Variants in SLC39A12 observed in about 807,000 individuals in gnomAD.
SLC39A12 encodes the protein zinc transporter ZIP12.
SLC39A12 carries 63 observed loss-of-function variants against 71.1 expected under a neutral mutation model. That is an observed-to-expected ratio of 0.89 (90% CI 0.72 to 1.09). The LOEUF (loss-of-function observed/expected upper bound fraction) is 1.09, where lower values mean the gene tolerates loss of function less well. Ranked by LOEUF, SLC39A12 falls within the 50% of genes least tolerant of loss-of-function variation. The pLI is 0.00. For missense variants in SLC39A12, 892 were observed against 812.6 expected (o/e 1.10, Z -1.19); for synonymous variants, 351 against 301.3 (o/e 1.16, Z -1.71).
At chr10:18,000,292 T>C (rs1418941122) in intron 10 of SLC39A12, among the ~76,000 whole-genome samples, 1 of 152,210 alleles carries the variant, frequency 6.6e-6, no homozygotes. Context: ...ATTTAGTCTA[T>C]AGCAAGTTTC....
chr10:17,984,896 G>A (rs1041840358), intron 6 of SLC39A12, among the ~76,000 whole-genome samples: 2 of 152,164 alleles, frequency 1.3e-5, no homozygotes, highest in East Asian at 1.9e-4. Context: ...TGTGGTAGTG[G>A]GGGTACGGGA....
intron 12 of SLC39A12, among the ~76,000 whole-genome samples, chr10:18,032,728 A>T (rs1475798919): frequency 6.6e-6 from 1 of 152,142 alleles, no homozygotes; most frequent in African/African-American, 2.4e-5. Context: ...GTCTTGTGCC[A>T]GTTTTCAAAG....
At chr10:17,965,400 C>A in intron 3 of SLC39A12, 83 bp from the exon 4 acceptor site, 1 of 1,301,544 alleles carries the variant, frequency 7.7e-7, no homozygotes, top group East Asian at 2.4e-5. Flanking sequence ...TTCCTTATCC[C>A]TTTAGGGGGA....
intron 7 of SLC39A12, among the ~76,000 whole-genome samples, chr10:17,989,935 G>A (rs1259611909): frequency 1.3e-5 from 2 of 152,196 alleles, no homozygotes; most frequent in East Asian, 1.9e-4. Context: ...AGACGAGGAC[G>A]AAAGTTGTTG....
intron 12 of SLC39A12, among the ~76,000 whole-genome samples, chr10:18,041,575 CAT>C (rs1564668154): frequency 1.2e-4 from 13 of 111,018 alleles, no homozygotes; most frequent in Admixed American, 4.8e-4. Context: ...TACACACACA[CAT>C]ACATACACAC....
intron 8 of SLC39A12, among the ~76,000 whole-genome samples, chr10:17,991,606 T>A (rs1399297591): frequency 6.6e-6 from 1 of 152,204 alleles, no homozygotes; most frequent in Non-Finnish European, 1.5e-5. Flanking sequence ...AATCAGCGTT[T>A]TGGATATCTT....
intron 4 of SLC39A12, among the ~76,000 whole-genome samples, chr10:17,970,147 G>A (rs1197939032): frequency 2.6e-5 from 4 of 152,124 alleles, no homozygotes; most frequent in Non-Finnish European, 5.9e-5. Context: ...ATTGGTCTCT[G>A]TGTCTGTTTT....
chr10:17,979,425 T>C (rs190575104), intron 5 of SLC39A12, among the ~76,000 whole-genome samples: 197 of 152,372 alleles, frequency 1.3e-3, no homozygotes, highest in African/African-American at 4.6e-3. Context: ...TGGTATTCTC[T>C]TCTTGTTTCT....
intron 5 of SLC39A12, 146 bp from the exon 6 acceptor site, chr10:17,981,166 G>A: frequency 8.3e-6 from 5 of 600,110 alleles, no homozygotes; most frequent in Non-Finnish European, 1.4e-5. Flanking sequence ...ACAGCTGAAA[G>A]TTTGCAGGGA....
chr10:18,037,251 A>G (rs1227693402), intron 12 of SLC39A12, among the ~76,000 whole-genome samples: 2 of 152,118 alleles, frequency 1.3e-5, no homozygotes, highest in Non-Finnish European at 2.9e-5. Flanking sequence ...TTCATTATTG[A>G]TTGCATCATG....
At chr10:17,989,287 A>G (rs762714224) in intron 7 of SLC39A12, among the ~76,000 whole-genome samples, 1 of 152,220 alleles carries the variant, frequency 6.6e-6, no homozygotes, top group Non-Finnish European at 1.5e-5. Flanking sequence ...TTGTTATTCA[A>G]TGTTCTGAAA....
chr10:18,015,775 A>C (rs940546293), intron 12 of SLC39A12, among the ~76,000 whole-genome samples: 2 of 151,718 alleles, frequency 1.3e-5, no homozygotes, highest in African/African-American at 4.8e-5. Context: ...TAAATAATCA[A>C]CTTTTTTTTT....
chr10:17,995,743 T>C, intron 10 of SLC39A12, 21 bp downstream of exon 10: 1 of 1,602,088 alleles, frequency 6.2e-7, no homozygotes, highest in South Asian at 1.1e-5. Context: ...AGCTAAACTT[T>C]ACATGTGGAA....
intron 5 of SLC39A12, 56 bp downstream of exon 5, chr10:17,978,130 T>A: frequency 3.5e-6 from 5 of 1,417,380 alleles, no homozygotes; most frequent in Non-Finnish European, 4.8e-6. Flanking sequence ...GAAGCCCAGC[T>A]GTGAAAGTTT....
chr10:17,999,608 C>A (rs570658011), intron 10 of SLC39A12, among the ~76,000 whole-genome samples: 15 of 152,148 alleles, frequency 9.9e-5, no homozygotes, highest in Non-Finnish European at 4.4e-5. Flanking sequence ...CAATTATGAT[C>A]AAAATTATTT....
chr10:18,009,486 G>A (rs1442271494), intron 12 of SLC39A12, among the ~76,000 whole-genome samples: 1 of 152,106 alleles, frequency 6.6e-6, no homozygotes, highest in South Asian at 2.1e-4. Flanking sequence ...TCACCATATA[G>A]GGTTCTAGAT....
intron 12 of SLC39A12, among the ~76,000 whole-genome samples, chr10:18,016,225 C>A (rs1463231809): frequency 6.6e-6 from 1 of 152,174 alleles, no homozygotes; most frequent in Non-Finnish European, 1.5e-5. Context: ...TCCCTGTCAA[C>A]CACTACTATT....
At chr10:17,985,495 C>T (rs1055208802) in intron 6 of SLC39A12, among the ~76,000 whole-genome samples, 1 of 151,264 alleles carries the variant, frequency 6.6e-6, no homozygotes, top group African/African-American at 2.4e-5. Flanking sequence ...GGTATTTTGA[C>T]ACCAGGATTG....
At chr10:18,008,184 G>T (rs947292153) in intron 12 of SLC39A12, among the ~76,000 whole-genome samples, 25 of 152,192 alleles carry the variant, frequency 1.6e-4, no homozygotes, top group African/African-American at 6.0e-4. Flanking sequence ...AGCGGCAGGT[G>T]AGCAAGCGAA....
Sources: allele counts gnomAD v4.1 joint callset (sites outside exome capture counted in the v4.1 genomes callset), GRCh38; gene constraint gnomAD v4.1.1; transcripts MANE v1.5; gene names NCBI Gene and HGNC (gene_info 2026-07-23, HGNC 2026-07-21).